Variants in CNTN5 observed in about 807,000 individuals in gnomAD.
CNTN5 encodes contactin 5, also known as contactin-5.
In CNTN5, 77 loss-of-function variants were observed where a neutral mutation model predicts 129.1. That is an observed-to-expected ratio of 0.60 (90% CI 0.50 to 0.72). The LOEUF (loss-of-function observed/expected upper bound fraction) is 0.72. Ranked by LOEUF, CNTN5 falls within the 30% of genes least tolerant of loss-of-function variation. CNTN5 has a pLI of 0.00. For missense variants in CNTN5, 1,478 were observed against 1,328.8 expected (o/e 1.11, Z -1.75); for synonymous variants, 509 against 465.6 (o/e 1.09, Z -1.20).
chr11:99,739,043 G>A (rs1165359152), intron 3 of CNTN5, among the ~76,000 whole-genome samples: 1 of 152,078 alleles, frequency 6.6e-6, no homozygotes, highest in East Asian at 1.9e-4. Context: ...TGAGTCTTCT[G>A]GGGCCTAGTA....
chr11:99,939,046 T>A lies in CNTN5; in HGVS notation c.674-17760T>A, dbSNP rs76665301. On this transcript the variant is annotated intron_variant, in intron 7 of 24. Coordinates refer to ENST00000524871, the MANE Select transcript of CNTN5 (RefSeq NM_014361.4). ...CCACAGTAGACTGACTACCTTTTAT[T>A]GAGCTGATTTATCAACCCTCCGGTG... Among the ~76,000 whole-genome samples the A allele has an allele frequency of 5.6e-3, 851 of 152,198 alleles. 7 individuals carry two copies. The highest frequency in any genetic ancestry group is 0.019 in the African/African-American group (798 of 41,564).
intron 21 of CNTN5, among the ~76,000 whole-genome samples, chr11:100,327,010 C>A (rs529242076): frequency 3.9e-5 from 6 of 152,120 alleles, no homozygotes; most frequent in Non-Finnish European, 5.9e-5. Context: ...AGCCTTGAAG[C>A]CATGGTGAGA....
chr11:100,122,468 C>G (rs929286617), intron 13 of CNTN5, among the ~76,000 whole-genome samples: 6 of 152,010 alleles, frequency 3.9e-5, no homozygotes, highest in African/African-American at 1.4e-4. Context: ...CAAACATACC[C>G]CAAAATGATA....
At chr11:99,905,999 AGAGTTTGCTGAAGTTGCTTATTAAG>A (rs1184695298) in intron 6 of CNTN5, among the ~76,000 whole-genome samples, 2 of 152,160 alleles carry the variant, frequency 1.3e-5, no homozygotes, top group Non-Finnish European at 2.9e-5. Context: ...TTGTATCCTG[AGAGTTTGCTGAAGTTGCTTATTAAG>A]GAGATTTTGG....
In CNTN5 at chr11:99,139,921, A is replaced by T. The variant is rs1203313384; in HGVS notation, c.-210+118651A>T. On this transcript the variant is annotated intron_variant, in intron 1 of 24. Coordinates refer to ENST00000524871, the MANE Select transcript of CNTN5 (RefSeq NM_014361.4). ...TATTTGTACTATTTTGTTTGTTTTT[A>T]AAGCCAAAAACCTCAGATCGATATT... is the stretch of plus-strand genomic sequence containing the variant. Among the ~76,000 whole-genome samples the T allele has an allele frequency of 2.0e-5, 3 of 152,126 alleles. No homozygotes were observed. The East Asian group carries it at 5.8e-4, about 29-fold the overall frequency.
intron 1 of CNTN5, among the ~76,000 whole-genome samples, chr11:99,291,022 C>A (rs1344690186): frequency 7.9e-5 from 12 of 151,942 alleles, no homozygotes; most frequent in Admixed American, 7.9e-4. Context: ...TGCTGCTAAA[C>A]ACAGTGCTGT....
intron 8 of CNTN5, among the ~76,000 whole-genome samples, chr11:99,977,682 G>A (rs1478311128): frequency 6.6e-6 from 1 of 152,058 alleles, no homozygotes; most frequent in East Asian, 1.9e-4. Context: ...CTAGGGGGAT[G>A]GTGCTAAACC....
chr11:99,460,488 C>T (rs1374151525), intron 2 of CNTN5, among the ~76,000 whole-genome samples: 1 of 151,754 alleles, frequency 6.6e-6, no homozygotes, highest in South Asian at 2.1e-4. Context: ...TAAACAAACA[C>T]ATAAGGAATA....
chr11:99,875,503 T>C (rs190504956), intron 6 of CNTN5, among the ~76,000 whole-genome samples: 1 of 149,410 alleles, frequency 6.7e-6, no homozygotes, highest in Admixed American at 6.7e-5. Flanking sequence ...AATTTTCCCA[T>C]AGCACTAAGG....
At position 100,271,137 on chromosome 11, in the gene CNTN5, A is replaced by T; in HGVS notation, c.2210A>T (p.Asp737Val). The change falls in exon 18 of 25, where the codon GAC becomes GTC. Residue 737 changes from aspartate to valine, a missense_variant. By Grantham distance (152) the Asp-to-Val change is radical. Transcript: ENST00000524871. ...GACATGGAGTCAGCCATGGCTGTGG[A>T]CCTAAATCCCTGGGTGGAATATGAA... ...TGDMESAMAV[D>V]LNPWVEYEFR... is the part of the protein sequence containing the mutation. The T allele has an allele frequency of 6.2e-7, 1 of 1,613,030 alleles. No individual in the cohort carries two copies. The highest frequency in any genetic ancestry group is 1.7e-5 in the Admixed American group (1 of 59,730).
intron 18 of CNTN5, among the ~76,000 whole-genome samples, chr11:100,293,347 G>T (rs908016778): frequency 2.0e-5 from 3 of 151,530 alleles, no homozygotes; most frequent in Non-Finnish European, 4.4e-5. Context: ...ATTCAAATAG[G>T]TATTTTGCCT....
chr11:99,830,454 A>G (rs976333674), intron 4 of CNTN5, among the ~76,000 whole-genome samples: 1 of 152,134 alleles, frequency 6.6e-6, no homozygotes. Flanking sequence ...CACATGGGCA[A>G]TGGCATCCTG....
At chr11:99,912,154 AAGG>A (rs1949677203) in intron 6 of CNTN5, among the ~76,000 whole-genome samples, 1 of 152,014 alleles carries the variant, frequency 6.6e-6, no homozygotes, top group South Asian at 2.1e-4. Flanking sequence ...ACAAGGCAAA[AAGG>A]AAGAGGAAGA....
intron 15 of CNTN5, among the ~76,000 whole-genome samples, chr11:100,221,115 C>G (rs1401776308): frequency 1.3e-5 from 2 of 152,006 alleles, no homozygotes; most frequent in Admixed American, 1.3e-4. Context: ...CTAAGGAAGC[C>G]TAGGGAGAGA....
At chr11:100,271,301 T>C in intron 18 of CNTN5, 60 bp downstream of exon 18, 1 of 1,313,900 alleles carries the variant, frequency 7.6e-7, no homozygotes, top group Non-Finnish European at 1.0e-6. Context: ...TGAAAGTGAG[T>C]TGAATTAACC....
intron 9 of CNTN5, among the ~76,000 whole-genome samples, chr11:100,037,287 T>G (rs1942077616): frequency 6.6e-6 from 1 of 151,264 alleles, no homozygotes; most frequent in Non-Finnish European, 1.5e-5. Context: ...TTTGTGTATA[T>G]TGAACCAGCC....
intron 3 of CNTN5, among the ~76,000 whole-genome samples, chr11:99,784,579 G>C (rs1290279965): frequency 1.3e-5 from 2 of 151,896 alleles, no homozygotes; most frequent in Non-Finnish European, 2.9e-5. Context: ...AATCCTTTGG[G>C]TATATACCCA....
chr11:100,007,270 C>T (rs537445679), intron 9 of CNTN5, among the ~76,000 whole-genome samples: 11 of 152,110 alleles, frequency 7.2e-5, no homozygotes, highest in South Asian at 6.2e-4. Context: ...TCAGATTCAA[C>T]GTCACCAGCT....
At chr11:99,877,354 T>C (rs1314209607) in intron 6 of CNTN5, among the ~76,000 whole-genome samples, 1 of 152,154 alleles carries the variant, frequency 6.6e-6, no homozygotes, top group African/African-American at 2.4e-5. Context: ...TTCAAAGACA[T>C]TGGAAATTTT....
Sources: allele counts gnomAD v4.1 joint callset (sites outside exome capture counted in the v4.1 genomes callset), GRCh38; gene constraint gnomAD v4.1.1; transcripts MANE v1.5; gene names NCBI Gene and HGNC (gene_info 2026-07-23, HGNC 2026-07-21).